The following GCN1 variants were observed in gnomAD, a reference collection of about 807,000 sequenced individuals.
GCN1 encodes GCN1 activator of EIF2AK4.
GCN1 carries 90 observed loss-of-function variants against 288.4 expected under a neutral mutation model. That is an observed-to-expected ratio of 0.31 (90% CI 0.26 to 0.37). The LOEUF (loss-of-function observed/expected upper bound fraction) is 0.37. Ranked by LOEUF, GCN1 falls within the 10% of genes least tolerant of loss-of-function variation. GCN1 has a pLI of 1.00. For missense variants in GCN1, 2,586 were observed against 3,419.9 expected (o/e 0.76, Z 6.08); for synonymous variants, 1,386 against 1,420.2 (o/e 0.98, Z 0.54).
intron 26 of GCN1, 130 bp downstream of exon 26, chr12:120,157,719 G>A (rs1460934259): frequency 2.3e-5 from 17 of 733,916 alleles, no homozygotes; most frequent in Non-Finnish European, 3.7e-5. Context: ...CACTGTGTGA[G>A]GCTGCTGTTG....
rs1332127384 is a variant in GCN1 at position 120,154,681 on chromosome 12, AG to A, written c.3701+288del. ...AGAGGACACTCTAAGGAACTTACTT[AG>A]AGTTCATTTTAATTGATTTAACTTT... On this transcript the variant is annotated intron_variant, in intron 31 of 57. Transcript: ENST00000300648. Among the ~76,000 whole-genome samples the A allele has an allele frequency of 2.2e-4, 33 of 152,372 alleles. No homozygotes were observed. The East Asian group carries it at 3.9e-3, about 18-fold the overall frequency.
Position 120,148,358 on chromosome 12 carries a change from A to G in GCN1, c.4547-12T>C. On this transcript the variant is annotated splice_polypyrimidine_tract_variant and intron_variant, in intron 36 of 57. Transcript: ENST00000300648. ...AAGCTCCACTGACCCTGTGGATAGC[A>G]GACACAAGCCCAGTACTGAATCACT... 6.2e-7 allele frequency: 1 copy of G among 1,609,290 alleles called. No individual in the cohort carries two copies. Among genetic ancestry groups the G allele is most frequent in the Non-Finnish European group, 8.5e-7 (1 of 1,176,844 alleles).
At position 120,158,478 on chromosome 12, in the gene GCN1, C is replaced by T. The variant is rs1303122246; in HGVS notation, c.2887G>A (p.Val963Met). 3.2e-6 allele frequency: 5 copies of T among 1,555,158 alleles called. No individual in the cohort carries two copies. The highest frequency in any genetic ancestry group is 2.6e-6 in the Non-Finnish European group (3 of 1,149,032). ...CCCTTACCTGGCTCCCCCTTGCCCA[C>T]CCTGCTGGTGATGGTGTGGGTGTGC... ...LLHTHTITSR[V>M]GKGEPGAAPL... Residue 963 changes from valine to methionine, a missense_variant, in exon 25 of 58, where the codon GTG (valine) becomes ATG (methionine). This residue lies in a region of GCN1 where 153 missense variants were observed against 252.0 expected (regional missense o/e 0.61). Coordinates refer to ENST00000300648, the MANE Select transcript of GCN1 (RefSeq NM_006836.2). The surrounding 1 kb of genome is among the most constrained non-coding windows in gnomAD (Gnocchi z 4.3).
intron 34 of GCN1, 122 bp downstream of exon 34, chr12:120,151,023 G>T: frequency 9.5e-7 from 1 of 1,049,332 alleles, no homozygotes; most frequent in Non-Finnish European, 1.4e-6. Context: ...ACACAGCGGG[G>T]CCCTCTGTAG....
intron 26 of GCN1, chr12:120,157,246 T>C: frequency 2.2e-6 from 1 of 456,866 alleles, no homozygotes; most frequent in South Asian, 2.9e-5. Context: ...AGACCGTAAA[T>C]ATATGAAGAG....
At chr12:120,146,285 T>A (rs906176685) in intron 38 of GCN1, among the ~76,000 whole-genome samples, 7 of 149,948 alleles carry the variant, frequency 4.7e-5, no homozygotes, top group Non-Finnish European at 1.0e-4. Context: ...AAAAAAAAAA[T>A]TAACAGTAAT....
rs553760309 is a variant in GCN1, at chr12:120,159,753, C to G, written c.2749+72G>C. The G allele has an allele frequency of 1.4e-5, 19 of 1,355,516 alleles. No individual in the cohort carries two copies. The East Asian group carries it at 3.9e-4, about 28-fold the overall frequency. 84.0% of individuals were successfully genotyped at this position (1,355,516 alleles called of 1,614,324 possible). ...CACCACCCACCTCCCCACAAGCACTCAGGGGCACACCCTGTCCAAGCACTC... is the reference window on the plus strand; with the variant it reads ...CACCACCCACCTCCCCACAAGCACTGAGGGGCACACCCTGTCCAAGCACTC... On this transcript the variant is annotated intron_variant, in intron 24 of 57. Coordinates refer to ENST00000300648, the MANE Select transcript of GCN1 (RefSeq NM_006836.2).
rs537293941 is a variant in GCN1, at chr12:120,130,790, C to T, written c.7564-37G>A. The T allele has an allele frequency of 3.7e-6, 5 of 1,365,348 alleles. No individual in the cohort carries two copies. The African/African-American group carries it at 4.3e-5, about 12-fold the overall frequency. 84.6% of individuals were successfully genotyped at this position (1,365,348 alleles called of 1,614,324 possible). A position where few individuals can be genotyped will look rare whatever the true frequency, so the allele number is the denominator to read the frequency against. On this transcript the variant is annotated intron_variant, in intron 55 of 57. Transcript: ENST00000300648. Reference sequence around the variant, plus strand: ...AGACAGCGCTAGACGGGAGGCCCCCCACCCCTTCCCCAGAGCCAGGAAAAC... The same window carrying T: ...AGACAGCGCTAGACGGGAGGCCCCCTACCCCTTCCCCAGAGCCAGGAAAAC...
At chr12:120,192,875 T>C (rs1013704423) in intron 1 of GCN1, among the ~76,000 whole-genome samples, 1 of 149,488 alleles carries the variant, frequency 6.7e-6, no homozygotes, top group Non-Finnish European at 1.5e-5. Context: ...TGAAACCCTG[T>C]CTCTACAAAA....
At chr12:120,183,965 T>C in intron 4 of GCN1, 147 bp downstream of exon 4, 1 of 752,710 alleles carries the variant, frequency 1.3e-6, no homozygotes, top group Non-Finnish European at 2.1e-6. Flanking sequence ...TTGCTTCCAC[T>C]GTTTCCCAAC....
chr12:120,159,898 CA>C lies in GCN1; in HGVS notation c.2675del (p.Leu892ArgfsTer29). 6.2e-7 allele frequency: 1 copy of C among 1,614,162 alleles called. No homozygotes were observed. Among genetic ancestry groups the C allele is most frequent in the Non-Finnish European group, 8.5e-7 (1 of 1,180,012 alleles). Reference sequence around the variant, plus strand: ...AGGGGTTCTTGATCCTGGGAGCAGCCAGGGGAGACTTCAGCAAGGGCAGAAA... The same window carrying C: ...AGGGGTTCTTGATCCTGGGAGCAGCCGGGGAGACTTCAGCAAGGGCAGAAA... ...DSFLPLLKSPLAAPRIKNPFL... is the reference protein window; with the variant it reads ...DSFLPLLKSPXAAPRIKNPFL... On this transcript the variant is annotated frameshift_variant, in exon 24 of 58. Transcript: ENST00000300648. LOFTEE classifies it high-confidence loss of function.
At chr12:120,185,661 T>A (rs867041506) in intron 2 of GCN1, among the ~76,000 whole-genome samples, 2 of 152,142 alleles carry the variant, frequency 1.3e-5, no homozygotes, top group African/African-American at 4.8e-5. Flanking sequence ...AGTGCAGTAG[T>A]GCGATCTCGG....
chr12:120,190,402 T>A lies in GCN1; in HGVS notation c.19-2A>T. On this transcript the variant is annotated splice_acceptor_variant, in intron 1 of 57. Coordinates refer to ENST00000300648, the MANE Select transcript of GCN1 (RefSeq NM_006836.2). LOFTEE classifies it high-confidence loss of function. Reference sequence around the variant, plus strand: ...AAAACGCTTTAGTGTCTCGGAAACCTGTGAAGGCCAAGCAACAGAAAAATT... The same window carrying A: ...AAAACGCTTTAGTGTCTCGGAAACCAGTGAAGGCCAAGCAACAGAAAAATT... 1 of 1,531,684 alleles carries A rather than the reference T, an allele frequency of 6.5e-7. No individual in the cohort carries two copies. Among genetic ancestry groups the A allele is most frequent in the South Asian group, 1.1e-5 (1 of 89,318 alleles). 94.9% of individuals were successfully genotyped at this position (1,531,684 alleles called of 1,614,324 possible). A position where few individuals can be genotyped will look rare whatever the true frequency, so the allele number is the denominator to read the frequency against.
chr12:120,148,355 A>G lies in GCN1; in HGVS notation c.4547-9T>C. 3.7e-6 allele frequency: 6 copies of G among 1,608,172 alleles called. No individual in the cohort carries two copies. Among genetic ancestry groups the G allele is most frequent in the Non-Finnish European group, 5.1e-6 (6 of 1,175,812 alleles). On this transcript the variant is annotated splice_polypyrimidine_tract_variant and intron_variant, in intron 36 of 57. Coordinates refer to ENST00000300648, the MANE Select transcript of GCN1 (RefSeq NM_006836.2). The stretch of plus-strand genomic sequence containing the variant: ...AAGAAGCTCCACTGACCCTGTGGAT[A>G]GCAGACACAAGCCCAGTACTGAATC...
chr12:120,194,636 C>T (rs762277042), intron 1 of GCN1, 44 bp downstream of exon 1: 1 of 1,507,836 alleles, frequency 6.6e-7, no homozygotes. Flanking sequence ...CCACCGTCCG[C>T]ACCCAGTCCC....
chr12:120,150,169 G>T, intron 34 of GCN1, 126 bp from the exon 35 acceptor site: 1 of 860,374 alleles, frequency 1.2e-6, no homozygotes. Context: ...AACAGCTGTG[G>T]AACTAGTAGA....
At chr12:120,145,224 A>G (rs758422017) in intron 39 of GCN1, 38 bp downstream of exon 39, 3 of 1,561,526 alleles carry the variant, frequency 1.9e-6, no homozygotes, top group Non-Finnish European at 2.6e-6. Context: ...GGACTGGATG[A>G]GGGGCCTGGC....
At position 120,127,777 on chromosome 12, in the gene GCN1, C is replaced by G. The variant is rs1876663101; in HGVS notation, c.*72G>C. 6.5e-6 allele frequency: 10 copies of G among 1,543,072 alleles called. No homozygotes were observed. The highest frequency in any genetic ancestry group is 8.0e-6 in the Non-Finnish European group (9 of 1,124,584). On this transcript the variant is annotated 3_prime_UTR_variant, in exon 58 of 58. Coordinates refer to ENST00000300648, the MANE Select transcript of GCN1 (RefSeq NM_006836.2). The stretch of plus-strand genomic sequence containing the variant: ...CCATCTTCCAAGCTCCCCATTGGAA[C>G]AAATGTATTTTCAAAAATGAAAACA...
chr12:120,164,393 G>T lies in GCN1; in HGVS notation c.1791C>A (p.Gly597=). The change falls in exon 18 of 58, where the codon GGC becomes GGA. Residue 597 remains glycine (G), a synonymous_variant. Coordinates refer to ENST00000300648, the MANE Select transcript of GCN1 (RefSeq NM_006836.2). ...TVRKLLSSLG[G]FKLAHGLLEE... ...CCAAGAGTCCGTGCGCCAGCTTAAA[G>T]CCCCCAAGAGAGGACAGCAGCTTCC... is the stretch of plus-strand genomic sequence containing the variant. The T allele has an allele frequency of 2.5e-6, 4 of 1,614,192 alleles. No homozygotes were observed. Among genetic ancestry groups the T allele is most frequent in the Non-Finnish European group, 3.4e-6 (4 of 1,180,024 alleles).
Sources: gnomAD v4.1 joint callset for allele counts (sites outside exome capture counted in the v4.1 genomes callset) on GRCh38, gnomAD v4.1.1 for gene constraint, gnomAD v4.1.1 regional missense constraint, Gnocchi (gnomAD v3.1) non-coding constraint, MANE v1.5 for transcripts, NCBI Gene and HGNC (gene_info 2026-07-23, HGNC 2026-07-21) for gene names.